PARD3B: variants seen among roughly 807,000 people sequenced by gnomAD.
The protein encoded by PARD3B is partitioning defective 3 homolog B.
Under a neutral mutation model 130.2 loss-of-function variants are expected in PARD3B, and 103 were observed. That is an observed-to-expected ratio of 0.79 (90% CI 0.67 to 0.93). The LOEUF is 0.93. Ranked by LOEUF, PARD3B falls within the 40% of genes least tolerant of loss-of-function variation. The pLI, the probability that PARD3B is intolerant of heterozygous loss-of-function variation, is 0.00. For synonymous variants in PARD3B, 583 were observed against 553.2 expected (o/e 1.05, Z -0.76); for missense variants, 1,609 against 1,499.2 (o/e 1.07, Z -1.21).
chr2:205,194,229 C>T (rs191268605), intron 15 of PARD3B, among the ~76,000 whole-genome samples: 38 of 152,266 alleles, frequency 2.5e-4, no homozygotes, highest in Non-Finnish European at 5.3e-4. Context: ...CTCCACCAAA[C>T]GATCTGATAA....
intron 2 of PARD3B, among the ~76,000 whole-genome samples, chr2:204,910,933 C>T (rs113708071): frequency 0.018 from 2,771 of 152,248 alleles, 80 homozygotes; most frequent in African/African-American, 0.061. Flanking sequence ...TGAGACACCG[C>T]GCCCGGCCAA....
chr2:204,697,813 G>T (rs886804896), intron 2 of PARD3B, among the ~76,000 whole-genome samples: 1 of 152,012 alleles, frequency 6.6e-6, no homozygotes, highest in Non-Finnish European at 1.5e-5. Flanking sequence ...ACCCTGGGTG[G>T]CCCTTCGTCT....
At chr2:205,193,901 T>C (rs2036532774) in intron 15 of PARD3B, among the ~76,000 whole-genome samples, 1 of 152,188 alleles carries the variant, frequency 6.6e-6, no homozygotes, top group South Asian at 2.1e-4. Flanking sequence ...CCTGTGTCCA[T>C]GCCTGAACAA....
At chr2:205,423,099 C>G (rs1304218294) in intron 19 of PARD3B, among the ~76,000 whole-genome samples, 2 of 152,172 alleles carry the variant, frequency 1.3e-5, no homozygotes, top group African/African-American at 4.8e-5. Flanking sequence ...ATCTTGTGCC[C>G]TAACTGCACA....
chr2:205,083,017 T>A (rs1366513986), intron 4 of PARD3B, among the ~76,000 whole-genome samples: 1 of 151,794 alleles, frequency 6.6e-6, no homozygotes, highest in African/African-American at 2.4e-5. Flanking sequence ...CCTACTGGGT[T>A]CAAGTGATTC....
chr2:205,399,224 C>T (rs2046151465), intron 18 of PARD3B, among the ~76,000 whole-genome samples: 1 of 151,906 alleles, frequency 6.6e-6, no homozygotes. Context: ...GAGCCGAGAT[C>T]ATGCCATGGC....
At chr2:204,723,703 C>T (rs193187349) in intron 2 of PARD3B, among the ~76,000 whole-genome samples, 180 of 151,974 alleles carry the variant, frequency 1.2e-3, no homozygotes, top group Admixed American at 3.5e-3. Flanking sequence ...AAGTCATTCA[C>T]TAGAAGGGGA....
chr2:205,410,013 A>T (rs1236789075), intron 19 of PARD3B, among the ~76,000 whole-genome samples: 1 of 152,194 alleles, frequency 6.6e-6, no homozygotes, highest in African/African-American at 2.4e-5. Context: ...ACTGGATTTT[A>T]TGCCAATCAG....
At chr2:205,195,052 G>C (rs2036606977) in intron 15 of PARD3B, among the ~76,000 whole-genome samples, 1 of 150,472 alleles carries the variant, frequency 6.6e-6, no homozygotes, top group Non-Finnish European at 1.5e-5. Context: ...ACCCACCTTG[G>C]CCTCCCAAAG....
At chr2:205,153,945 A>G (rs1286914626) in intron 10 of PARD3B, among the ~76,000 whole-genome samples, 1 of 152,250 alleles carries the variant, frequency 6.6e-6, no homozygotes. Flanking sequence ...TAAAAACCCT[A>G]GAAGAAAACC....
intron 3 of PARD3B, among the ~76,000 whole-genome samples, chr2:205,013,377 A>G (rs1695876741): frequency 6.6e-6 from 1 of 152,094 alleles, no homozygotes; most frequent in African/African-American, 2.4e-5. Context: ...TCCCCTTCAG[A>G]CTTGTATATA....
chr2:205,073,677 T>TC (rs1286788093), intron 4 of PARD3B, among the ~76,000 whole-genome samples: 1 of 152,130 alleles, frequency 6.6e-6, no homozygotes, highest in African/African-American at 2.4e-5. Context: ...GTTGCTTTTT[T>TC]CCCCCTTTCC....
At chr2:205,369,003 C>T (rs76566626) in intron 18 of PARD3B, among the ~76,000 whole-genome samples, 1 of 152,112 alleles carries the variant, frequency 6.6e-6, no homozygotes, top group Non-Finnish European at 1.5e-5. Context: ...GCAAAACACT[C>T]TAAAATGTAA....
At position 205,325,734 on chromosome 2, in the gene PARD3B, T is replaced by C. The variant is rs1410634303; in HGVS notation, c.2630+24033T>C. Among the ~76,000 whole-genome samples, 1 of 152,096 alleles carries C rather than the reference T, an allele frequency of 6.6e-6. No homozygotes were observed. The highest frequency in any genetic ancestry group is 1.5e-5 in the Non-Finnish European group (1 of 68,014). ...AGTAATTAGACATCCTATCTAGTAA[T>C]AAGATAAGTAATTTTACTGGTGTCA... On this transcript the variant is annotated intron_variant, in intron 18 of 22. Coordinates refer to ENST00000406610, the MANE Select transcript of PARD3B (RefSeq NM_001302769.2). This position sits in a 1 kb window ranked among gnomAD's most constrained non-coding sequence, Gnocchi z 4.1.
chr2:205,107,063 C>T (rs1326669691), intron 5 of PARD3B, among the ~76,000 whole-genome samples: 1 of 152,126 alleles, frequency 6.6e-6, no homozygotes, highest in African/African-American at 2.4e-5. Context: ...GGGCACGCAT[C>T]CACGTAGAAG....
intron 19 of PARD3B, among the ~76,000 whole-genome samples, chr2:205,417,201 T>C (rs375317956): frequency 4.3e-4 from 66 of 151,842 alleles, no homozygotes; most frequent in African/African-American, 1.5e-3. Context: ...GTCCTTGTGA[T>C]AGTTTGCTCA....
At chr2:204,755,837 T>C (rs1326283505) in intron 2 of PARD3B, among the ~76,000 whole-genome samples, 3 of 152,144 alleles carry the variant, frequency 2.0e-5, no homozygotes, top group Non-Finnish European at 4.4e-5. Context: ...TACCACTATT[T>C]ATCTCTTATG....
chr2:205,208,431 CCCT>C (rs1559544146), intron 15 of PARD3B, among the ~76,000 whole-genome samples: 2 of 143,796 alleles, frequency 1.4e-5, no homozygotes, highest in African/African-American at 5.5e-5. Flanking sequence ...GTCAAATTGT[CCCT>C]GTTTGCAGAT....
chr2:204,579,695 C>G (rs1384747000), intron 1 of PARD3B, among the ~76,000 whole-genome samples: 2 of 152,194 alleles, frequency 1.3e-5, no homozygotes, highest in African/African-American at 4.8e-5. Flanking sequence ...AATCTGGAAT[C>G]TTTGGCTTTT....
Sources: allele counts gnomAD v4.1 joint callset (sites outside exome capture counted in the v4.1 genomes callset), GRCh38; gene constraint gnomAD v4.1.1; non-coding constraint Gnocchi (gnomAD v3.1); transcripts MANE v1.5; gene names NCBI Gene and HGNC (gene_info 2026-07-23, HGNC 2026-07-21).